ROR1: variants seen among roughly 807,000 people sequenced by gnomAD.
The protein encoded by ROR1 is ROR family WNT receptor 1, also known as inactive tyrosine-protein kinase transmembrane receptor ROR1.
Under a neutral mutation model 78.8 loss-of-function variants are expected in ROR1, and 19 were observed. The ratio of observed to expected loss-of-function variants is 0.24; its 90% CI spans 0.17 to 0.35. ROR1 has a LOEUF of 0.35. Among genes scored for constraint, ROR1 ranks in the 10% least tolerant of loss-of-function variants. ROR1 has a pLI of 1.00. For missense variants in ROR1, 917 were observed against 1,177.8 expected, an observed-to-expected ratio of 0.78 and a Z score of 3.24; for synonymous variants, 386 against 433.6, an observed-to-expected ratio of 0.89 and a Z score of 1.36.
chr1:63,846,047 G>T (rs76993021), intron 1 of ROR1, among the ~76,000 whole-genome samples: 197 of 152,086 alleles, frequency 1.3e-3, no homozygotes, highest in Non-Finnish European at 2.4e-3. Flanking sequence ...ATTCCTTGAA[G>T]GGCACCGCAA....
At position 63,976,189 on chromosome 1, in the gene ROR1, TCTG is replaced by T. The variant is rs373191840; in HGVS notation, c.92-33115_92-33113del. 5.3e-5 allele frequency among the ~76,000 whole-genome samples: 8 copies of T among 152,244 alleles called. No individual in the cohort carries two copies. In the South Asian group the frequency reaches 1.5e-3, roughly 28 times the overall value. ...AAAGGTAATGTCATGGAGTGTGAGT[TCTG>T]GTTGGGTGATCTTGTCTAATTCTCT... On this transcript the variant is annotated intron_variant, in intron 1 of 8. Coordinates refer to ENST00000371079, the MANE Select transcript of ROR1 (RefSeq NM_005012.4).
intron 1 of ROR1, among the ~76,000 whole-genome samples, chr1:63,861,410 A>C (rs141370881): frequency 3.3e-5 from 5 of 152,156 alleles, no homozygotes; most frequent in South Asian, 2.1e-4. Flanking sequence ...GATTTTATTT[A>C]TTTCTTTCTC....
At chr1:63,843,417 G>C in intron 1 of ROR1, 3 of 745,968 alleles carry the variant, frequency 4.0e-6, no homozygotes, top group Non-Finnish European at 7.3e-6. Context: ...GCTCTCCTTG[G>C]TCTCGTAGGT....
chr1:63,866,260 C>T (rs1290321422), intron 1 of ROR1, among the ~76,000 whole-genome samples: 1 of 152,006 alleles, frequency 6.6e-6, no homozygotes, highest in Non-Finnish European at 1.5e-5. Context: ...TGGTGTACTT[C>T]TTGTGGTCTG....
intron 1 of ROR1, among the ~76,000 whole-genome samples, chr1:63,942,591 T>C (rs1645849816): frequency 6.6e-6 from 1 of 152,150 alleles, no homozygotes; most frequent in African/African-American, 2.4e-5. Context: ...GTCTCTCACT[T>C]TGGTGAAATT....
At chr1:64,010,967 T>A (rs1646470526) in intron 2 of ROR1, among the ~76,000 whole-genome samples, 1 of 152,192 alleles carries the variant, frequency 6.6e-6, no homozygotes, top group African/African-American at 2.4e-5. Flanking sequence ...GGCAGTTCTT[T>A]ATAGCAGCAT....
chr1:63,867,802 C>A (rs1258223860), intron 1 of ROR1, among the ~76,000 whole-genome samples: 4 of 152,258 alleles, frequency 2.6e-5, no homozygotes, highest in African/African-American at 4.8e-5. Flanking sequence ...CCATAGGTTA[C>A]TGTTGGACCA....
At chr1:63,860,326 T>C (rs980922403) in intron 1 of ROR1, among the ~76,000 whole-genome samples, 2 of 152,038 alleles carry the variant, frequency 1.3e-5, no homozygotes, top group African/African-American at 4.8e-5. Flanking sequence ...CTCAATAGAA[T>C]ATCTTAAAAT....
chr1:63,928,172 A>G (rs1645721411), intron 1 of ROR1, among the ~76,000 whole-genome samples: 1 of 152,218 alleles, frequency 6.6e-6, no homozygotes, highest in Admixed American at 6.5e-5. Flanking sequence ...AAGCTCCATA[A>G]GAATCCTGGG....
At chr1:63,870,486 A>T (rs985337243) in intron 1 of ROR1, among the ~76,000 whole-genome samples, 17 of 152,210 alleles carry the variant, frequency 1.1e-4, no homozygotes, top group Non-Finnish European at 2.1e-4. Flanking sequence ...TTAAAAGAAG[A>T]GAATTTAGAA....
intron 7 of ROR1, among the ~76,000 whole-genome samples, chr1:64,145,844 C>G (rs1431833764): frequency 6.6e-6 from 1 of 152,182 alleles, no homozygotes; most frequent in East Asian, 1.9e-4. Flanking sequence ...TTATCCTCAT[C>G]CTCATACTCT....
chr1:64,018,518 G>A (rs1646539350), intron 2 of ROR1, among the ~76,000 whole-genome samples: 1 of 152,132 alleles, frequency 6.6e-6, no homozygotes, highest in Admixed American at 6.6e-5. Context: ...GGTGATGCTT[G>A]TTTGCATGTA....
chr1:64,040,721 T>C (rs1242024461), intron 2 of ROR1, among the ~76,000 whole-genome samples: 1 of 152,196 alleles, frequency 6.6e-6, no homozygotes, highest in East Asian at 1.9e-4. Flanking sequence ...CCCTGGGGTC[T>C]ATTTTATAAG....
intron 1 of ROR1, among the ~76,000 whole-genome samples, chr1:63,996,909 C>T (rs1000593268): frequency 6.6e-6 from 1 of 152,022 alleles, no homozygotes; most frequent in Non-Finnish European, 1.5e-5. Context: ...GTTCTCTGCC[C>T]GAGTCTGGGT....
chr1:64,163,279 A>G (rs1022963492), intron 8 of ROR1, among the ~76,000 whole-genome samples: 3 of 150,832 alleles, frequency 2.0e-5, no homozygotes, highest in African/African-American at 7.3e-5. Flanking sequence ...TTCGCCAGGC[A>G]TGGTGGTGCA....
intron 1 of ROR1, among the ~76,000 whole-genome samples, chr1:63,830,366 A>G (rs1407968572): frequency 3.3e-5 from 5 of 152,178 alleles, no homozygotes; most frequent in Admixed American, 2.0e-4. Context: ...TATAAACACA[A>G]AAGAGGTTTA....
At chr1:63,864,367 G>T (rs1645202105) in intron 1 of ROR1, among the ~76,000 whole-genome samples, 1 of 152,158 alleles carries the variant, frequency 6.6e-6, no homozygotes, top group Non-Finnish European at 1.5e-5. Context: ...CAGCTTACTT[G>T]TGGCTCTAAA....
chr1:64,179,022 C>CAT lies in ROR1; in HGVS notation c.*168_*169insTA. On this transcript the variant is annotated 3_prime_UTR_variant, in exon 9 of 9. Coordinates refer to ENST00000371079, the MANE Select transcript of ROR1 (RefSeq NM_005012.4). The stretch of plus-strand genomic sequence containing the variant: ...TTACCAAGCAGGACAGACACTCGGC[C>CAT]AGAAAAAAAAAAAAAAAAAAAAAAC... The CAT allele has an allele frequency of 6.4e-6, 1 of 156,498 alleles. No homozygotes were observed. Among genetic ancestry groups the CAT allele is most frequent in the East Asian group, 1.1e-4 (1 of 9,360 alleles). 9.7% of individuals were successfully genotyped at this position (156,498 alleles called of 1,614,324 possible). A position where few individuals can be genotyped will look rare whatever the true frequency, so the allele number is the denominator to read the frequency against.
intron 4 of ROR1, among the ~76,000 whole-genome samples, chr1:64,119,250 C>G (rs1422290985): frequency 6.6e-6 from 1 of 152,206 alleles, no homozygotes; most frequent in Admixed American, 6.5e-5. Context: ...CCACTCCCCC[C>G]AGTTGAATTT....
Sources: gnomAD v4.1 joint callset for allele counts (sites outside exome capture counted in the v4.1 genomes callset) on GRCh38, gnomAD v4.1.1 for gene constraint, MANE v1.5 for transcripts, NCBI Gene and HGNC (gene_info 2026-07-23, HGNC 2026-07-21) for gene names.